PBX1: variants seen among roughly 807,000 people sequenced by gnomAD.
PBX1 encodes the protein pre-B-cell leukemia transcription factor 1.
Under a neutral mutation model 53.4 loss-of-function variants are expected in PBX1, and 6 were observed. That is an observed-to-expected ratio of 0.11 (90% confidence interval 0.06 to 0.22). The LOEUF is 0.22. Among genes scored for constraint, PBX1 ranks in the 10% least tolerant of loss-of-function variants. PBX1 has a pLI of 1.00. For missense variants in PBX1, 251 were observed against 551.4 expected (o/e 0.46, Z 5.46); for synonymous variants, 204 against 212.3 (o/e 0.96, Z 0.34).
chr1:164,736,139 T>TC (rs1278708107), intron 2 of PBX1, among the ~76,000 whole-genome samples: 1 of 152,156 alleles, frequency 6.6e-6, no homozygotes, highest in African/African-American at 2.4e-5. Flanking sequence ...TCCAGCCTCT[T>TC]CCCACTGCAG....
chr1:164,642,382 T>C (rs2101902751), intron 2 of PBX1, among the ~76,000 whole-genome samples: 1 of 152,348 alleles, frequency 6.6e-6, no homozygotes, highest in African/African-American at 2.4e-5. Context: ...CTCACCAACA[T>C]GATTTCTCCT....
chr1:164,643,649 C>T (rs1021728330), intron 2 of PBX1, among the ~76,000 whole-genome samples: 1 of 152,122 alleles, frequency 6.6e-6, no homozygotes, highest in African/African-American at 2.4e-5. Context: ...AAGTTACAAC[C>T]TTTTGGATAC....
chr1:164,659,581 G>T (rs1660364263), intron 2 of PBX1, among the ~76,000 whole-genome samples: 2 of 152,206 alleles, frequency 1.3e-5, no homozygotes, highest in Admixed American at 1.3e-4. Context: ...GTGAGTTTGG[G>T]AAGGACATCT....
intron 2 of PBX1, among the ~76,000 whole-genome samples, chr1:164,671,741 C>A (rs563544698): frequency 6.6e-6 from 1 of 152,046 alleles, no homozygotes; most frequent in Non-Finnish European, 1.5e-5. Flanking sequence ...CAGGTTAAAT[C>A]TGCATTCAAA....
At chr1:164,566,889 C>A (rs1391285646) in intron 2 of PBX1, among the ~76,000 whole-genome samples, 2 of 152,138 alleles carry the variant, frequency 1.3e-5, no homozygotes, top group East Asian at 3.9e-4. Context: ...TTGTCTGCAT[C>A]AAAGTTAACG....
chr1:164,596,063 G>A (rs986916082), intron 2 of PBX1, among the ~76,000 whole-genome samples: 7 of 149,092 alleles, frequency 4.7e-5, no homozygotes, highest in African/African-American at 1.7e-4. Flanking sequence ...AATTGGATAT[G>A]TGTTTTTGTT....
At chr1:164,772,310 A>G (rs12084395) in intron 2 of PBX1, among the ~76,000 whole-genome samples, 16,137 of 152,240 alleles carry the variant, frequency 0.11, 938 homozygotes, top group South Asian at 0.17. Flanking sequence ...AACCCCTTTC[A>G]GGCATTTTAA....
chr1:164,748,404 A>C (rs995676006), intron 2 of PBX1, among the ~76,000 whole-genome samples: 1 of 152,184 alleles, frequency 6.6e-6, no homozygotes, highest in East Asian at 1.9e-4. Context: ...CTTTGGAAAG[A>C]GGTAGCAAAT....
intron 2 of PBX1, among the ~76,000 whole-genome samples, chr1:164,709,819 G>A (rs760856191): frequency 1.6e-4 from 24 of 152,102 alleles, no homozygotes; most frequent in Non-Finnish European, 2.9e-4. Flanking sequence ...ACATTACCAC[G>A]GACTCAATTT....
intron 6 of PBX1, chr1:164,818,328 GTA>G (rs1325348826): frequency 6.6e-6 from 1 of 152,140 alleles, no homozygotes; most frequent in African/African-American, 2.4e-5. Flanking sequence ...CACTGACTGG[GTA>G]TAAGCCACAC....
In PBX1 at chr1:164,730,510, C is replaced by T. The variant is rs1664919512; in HGVS notation, c.266-61984C>T. Among the ~76,000 whole-genome samples, 2 of 152,092 alleles carry T rather than the reference C, an allele frequency of 1.3e-5. 1 individual carries two copies. Among genetic ancestry groups the T allele is most frequent in the South Asian group, 4.2e-4 (2 of 4,814 alleles). On this transcript the variant is annotated intron_variant, in intron 2 of 8. Coordinates refer to ENST00000420696, the MANE Select transcript of PBX1 (RefSeq NM_002585.4). Reference sequence around the variant, plus strand: ...TGTAAGATTTTGCAGGGAGGTATTCCCTCCTCTACCCTTTCGTCACAAGCC... The same window carrying T: ...TGTAAGATTTTGCAGGGAGGTATTCTCTCCTCTACCCTTTCGTCACAAGCC...
chr1:164,788,707 G>A (rs916059527), intron 2 of PBX1, among the ~76,000 whole-genome samples: 1 of 151,820 alleles, frequency 6.6e-6, no homozygotes, highest in African/African-American at 2.4e-5. Flanking sequence ...AATTTAAAGG[G>A]TGTAATTTGG....
chr1:164,706,570 G>T, intron 2 of PBX1, among the ~76,000 whole-genome samples: 2 of 152,228 alleles, frequency 1.3e-5, no homozygotes, highest in South Asian at 4.1e-4. Flanking sequence ...GTCCTGCCTG[G>T]ATTCATGCAG....
rs115868238 is a variant in PBX1, at chr1:164,646,241, A to G, written c.265+82930A>G. On this transcript the variant is annotated intron_variant, in intron 2 of 8. Transcript: ENST00000420696. ...GAGCAGCATGCTGGTTAAAGGAACAAAGAAACAAGTGAAAAATCCCATTTT... is the reference window on the plus strand; with the variant it reads ...GAGCAGCATGCTGGTTAAAGGAACAGAGAAACAAGTGAAAAATCCCATTTT... Among the ~76,000 whole-genome samples the G allele has an allele frequency of 3.0e-3, 457 of 152,344 alleles. 4 individuals carry two copies. The highest frequency in any genetic ancestry group is 0.01 in the African/African-American group (429 of 41,570).
chr1:164,647,255 A>C (rs760384180), intron 2 of PBX1, among the ~76,000 whole-genome samples: 48 of 152,340 alleles, frequency 3.2e-4, no homozygotes, highest in Non-Finnish European at 5.6e-4. Flanking sequence ...AGCAGTTAGC[A>C]CTAAAGGTTG....
intron 2 of PBX1, among the ~76,000 whole-genome samples, chr1:164,601,411 A>T (rs1430907253): frequency 6.6e-6 from 1 of 151,838 alleles, no homozygotes; most frequent in Non-Finnish European, 1.5e-5. Context: ...GGCATCCGAC[A>T]CTCCTTTAGA....
chr1:164,635,569 C>T (rs949631662), intron 2 of PBX1, among the ~76,000 whole-genome samples: 23 of 152,228 alleles, frequency 1.5e-4, no homozygotes, highest in African/African-American at 5.1e-4. Context: ...CTGAGGCGCG[C>T]GCGGGCTGCG....
At chr1:164,782,727 C>G (rs1359038143) in intron 2 of PBX1, among the ~76,000 whole-genome samples, 3 of 152,180 alleles carry the variant, frequency 2.0e-5, no homozygotes, top group African/African-American at 7.2e-5. Context: ...CCATTTGCCA[C>G]TAGGAGCTGG....
chr1:164,766,619 T>TA (rs1028389311), intron 2 of PBX1, among the ~76,000 whole-genome samples: 7 of 152,158 alleles, frequency 4.6e-5, no homozygotes, highest in Non-Finnish European at 1.0e-4. Flanking sequence ...CAAGTTTGGA[T>TA]AAAAAATAAA....
Sources: gnomAD v4.1 joint callset for allele counts (sites outside exome capture counted in the v4.1 genomes callset) on GRCh38, gnomAD v4.1.1 for gene constraint, MANE v1.5 for transcripts, NCBI Gene and HGNC (gene_info 2026-07-23, HGNC 2026-07-21) for gene names.